ASIC2: variants seen among roughly 807,000 people sequenced by gnomAD.
ASIC2 encodes the protein acid-sensing ion channel 2.
In ASIC2, 25 loss-of-function variants were observed where a neutral mutation model predicts 57.3. That is an observed-to-expected ratio of 0.44 (90% CI 0.32 to 0.61). The LOEUF (loss-of-function observed/expected upper bound fraction) is 0.61. Among genes scored for constraint, ASIC2 ranks in the 20% least tolerant of loss-of-function variants. The pLI is 0.06. For synonymous variants in ASIC2, 319 were observed against 307.5 expected (o/e 1.04, Z -0.39); for missense variants, 641 against 738.1 (o/e 0.87, Z 1.52).
intron 1 of ASIC2, among the ~76,000 whole-genome samples, chr17:33,429,110 G>T (rs911298456): frequency 6.6e-6 from 1 of 152,156 alleles, no homozygotes; most frequent in African/African-American, 2.4e-5. Flanking sequence ...TGGTCTCCTG[G>T]AACTCTCTTG....
At chr17:33,249,921 G>T (rs1245464288) in intron 1 of ASIC2, among the ~76,000 whole-genome samples, 1 of 152,174 alleles carries the variant, frequency 6.6e-6, no homozygotes, top group Non-Finnish European at 1.5e-5. Context: ...GGAGGAGAAG[G>T]TGGTCCCTGA....
At chr17:33,056,859 C>A (rs2092000144) in intron 3 of ASIC2, among the ~76,000 whole-genome samples, 1 of 152,208 alleles carries the variant, frequency 6.6e-6, no homozygotes, top group South Asian at 2.1e-4. Flanking sequence ...GAGGGGTTCA[C>A]ATATGCTGTC....
chr17:33,688,139 T>G (rs1283884470), intron 1 of ASIC2, among the ~76,000 whole-genome samples: 1 of 152,214 alleles, frequency 6.6e-6, no homozygotes, highest in Non-Finnish European at 1.5e-5. Flanking sequence ...CAAACCACCT[T>G]TATCAAAGCA....
chr17:33,491,761 CTCTG>C (rs1329326039), intron 1 of ASIC2, among the ~76,000 whole-genome samples: 1 of 152,184 alleles, frequency 6.6e-6, no homozygotes, highest in African/African-American at 2.4e-5. Flanking sequence ...GCTAGAGGGT[CTCTG>C]TCTGATGCTT....
At chr17:33,791,834 A>T (rs1911779681) in intron 1 of ASIC2, 1 of 151,984 alleles carries the variant, frequency 6.6e-6, no homozygotes, top group Non-Finnish European at 1.5e-5. Context: ...TTAAGACAAG[A>T]TCTCACTCCC....
chr17:33,510,169 GC>G (rs2141948290), intron 1 of ASIC2, among the ~76,000 whole-genome samples: 1 of 152,312 alleles, frequency 6.6e-6, no homozygotes, highest in East Asian at 1.9e-4. Flanking sequence ...TATCTGTACA[GC>G]AGGTGGGTTG....
intron 1 of ASIC2, among the ~76,000 whole-genome samples, chr17:33,893,800 T>C (rs1915021864): frequency 6.6e-6 from 1 of 152,226 alleles, no homozygotes; most frequent in African/African-American, 2.4e-5. Flanking sequence ...TGATGCTACA[T>C]ATGGCATGTG....
rs77019543 is a variant in ASIC2 at position 34,141,521 on chromosome 17, C to T, written c.555+14457G>A. ...AAGTAATCTTTTATTTACTGTTTAG[C>T]TTCCCCACTAAACCACGAGCTCCTT... On this transcript the variant is annotated intron_variant, in intron 1 of 9. Transcript: ENST00000359872. 7.3e-3 allele frequency among the ~76,000 whole-genome samples: 1,110 copies of T among 152,292 alleles called. 16 individuals carry two copies. Among genetic ancestry groups the T allele is most frequent in the African/African-American group, 0.025 (1,056 of 41,562 alleles).
At chr17:33,461,965 T>C (rs1442194358) in intron 1 of ASIC2, among the ~76,000 whole-genome samples, 1 of 152,248 alleles carries the variant, frequency 6.6e-6, no homozygotes, top group Admixed American at 6.5e-5. Context: ...CATGTGCCAC[T>C]GTGTCAGGCA....
chr17:33,013,639 C>G lies in ASIC2; in HGVS notation c.*326G>C. 1 of 348,040 alleles carries G rather than the reference C, an allele frequency of 2.9e-6. No homozygotes were observed. The highest frequency in any genetic ancestry group is 5.5e-6 in the Non-Finnish European group (1 of 183,158). 21.6% of individuals were successfully genotyped at this position (348,040 alleles called of 1,614,324 possible). ...AAACCGCGTGGAGGAGTGTCATGTA[C>G]AAGACAGACGTGGAGGTGGCGCCAC... On this transcript the variant is annotated 3_prime_UTR_variant, in exon 10 of 10. Transcript: ENST00000225823.
chr17:33,654,932 T>C (rs934501827), intron 1 of ASIC2, among the ~76,000 whole-genome samples: 11 of 152,048 alleles, frequency 7.2e-5, no homozygotes, highest in Admixed American at 6.5e-5. Flanking sequence ...GAGTTTGAGA[T>C]CAGCCTGGGC....
chr17:33,290,684 G>C (rs1222562708), intron 1 of ASIC2: 1 of 152,194 alleles, frequency 6.6e-6, no homozygotes, highest in Admixed American at 6.5e-5. Context: ...ACATTTTATG[G>C]GGGACGGAGG....
intron 1 of ASIC2, among the ~76,000 whole-genome samples, chr17:33,174,979 C>G (rs999140476): frequency 6.6e-6 from 1 of 152,070 alleles, no homozygotes; most frequent in African/African-American, 2.4e-5. Flanking sequence ...TCTCCCTGCC[C>G]CCTACTCCTG....
chr17:33,675,411 C>T (rs1280819916), intron 1 of ASIC2, among the ~76,000 whole-genome samples: 1 of 152,160 alleles, frequency 6.6e-6, no homozygotes, highest in Non-Finnish European at 1.5e-5. Context: ...CCGTGATCAG[C>T]TCCACACCTG....
intron 1 of ASIC2, among the ~76,000 whole-genome samples, chr17:33,846,422 C>G (rs1372779749): frequency 6.6e-6 from 1 of 152,152 alleles, no homozygotes; most frequent in African/African-American, 2.4e-5. Context: ...AAGTTGGCCT[C>G]ACTAATAGCT....
intron 1 of ASIC2, among the ~76,000 whole-genome samples, chr17:33,575,030 G>A (rs551163966): frequency 1.1e-4 from 16 of 152,256 alleles, no homozygotes; most frequent in African/African-American, 3.9e-4. Flanking sequence ...GGAGTGGGGA[G>A]GTCTGATCTT....
chr17:34,115,122 C>A (rs1911389863), intron 1 of ASIC2, among the ~76,000 whole-genome samples: 1 of 152,158 alleles, frequency 6.6e-6, no homozygotes, highest in South Asian at 2.1e-4. Context: ...TCATCTAATT[C>A]TCTTGGGGCA....
At chr17:33,426,975 A>G (rs1228260254) in intron 1 of ASIC2, among the ~76,000 whole-genome samples, 2 of 152,210 alleles carry the variant, frequency 1.3e-5, no homozygotes, top group Non-Finnish European at 2.9e-5. Context: ...ATTCAGAGGA[A>G]GAGCTCTTTC....
intron 1 of ASIC2, among the ~76,000 whole-genome samples, chr17:33,134,541 G>T (rs2092360234): frequency 6.6e-6 from 1 of 152,234 alleles, no homozygotes; most frequent in Non-Finnish European, 1.5e-5. Context: ...GTTCCTCAGA[G>T]CCTGTTCTTA....
Sources: gnomAD v4.1 joint callset for allele counts (sites outside exome capture counted in the v4.1 genomes callset) on GRCh38, gnomAD v4.1.1 for gene constraint, MANE v1.5 for transcripts, NCBI Gene and HGNC (gene_info 2026-07-23, HGNC 2026-07-21) for gene names.